Variants in LRP6 observed in about 807,000 individuals in gnomAD.
LRP6 encodes low-density lipoprotein receptor-related protein 6.
In LRP6, 43 loss-of-function variants were observed where a neutral mutation model predicts 184.1. The observed-to-expected ratio is 0.23, with a 90% CI of 0.18 to 0.30. The LOEUF is 0.30. Among genes scored for constraint, LRP6 ranks in the 10% least tolerant of loss-of-function variants. LRP6 has a pLI of 1.00. For synonymous variants in LRP6, 719 were observed against 684.9 expected, an observed-to-expected ratio of 1.05 and a Z score of -0.78; for missense variants, 1,571 against 2,005.3, an observed-to-expected ratio of 0.78 and a Z score of 4.14.
intron 22 of LRP6, among the ~76,000 whole-genome samples, chr12:12,124,044 T>C (rs1267293108): frequency 1.3e-5 from 2 of 151,926 alleles, no homozygotes; most frequent in African/African-American, 4.8e-5. Context: ...TATTTTATTA[T>C]TATAAAAGCC....
At chr12:12,222,756 A>C (rs1422310497) in intron 2 of LRP6, among the ~76,000 whole-genome samples, 4 of 152,080 alleles carry the variant, frequency 2.6e-5, no homozygotes, top group Non-Finnish European at 4.4e-5. Context: ...ACATCTACAG[A>C]ATCAGAATCT....
At chr12:12,241,527 A>G (rs1865065415) in intron 2 of LRP6, among the ~76,000 whole-genome samples, 1 of 152,110 alleles carries the variant, frequency 6.6e-6, no homozygotes, top group Non-Finnish European at 1.5e-5. Flanking sequence ...ACCAGATTCT[A>G]TTTGTTTCCA....
Position 12,203,184 on chromosome 12 carries a change from C to T in LRP6, c.647+19G>A. On this transcript the variant is annotated intron_variant, in intron 3 of 22. Transcript: ENST00000261349. ...CATCGAGTTTTCTTAAAAGTTTTTT[C>T]TAATTCTTGTAATCTTACCGATTTG... The T allele has an allele frequency of 1.3e-6, 2 of 1,565,604 alleles. No homozygotes were observed. The highest frequency in any genetic ancestry group is 1.4e-5 in the African/African-American group (1 of 72,558).
intron 3 of LRP6, among the ~76,000 whole-genome samples, chr12:12,195,417 T>C (rs77097822): frequency 0.084 from 12,844 of 152,202 alleles, 784 homozygotes; most frequent in Admixed American, 0.13. Flanking sequence ...GATACTTCAT[T>C]GTGAATTTAA....
intron 7 of LRP6, among the ~76,000 whole-genome samples, chr12:12,170,727 T>C (rs1446526900): frequency 6.6e-6 from 1 of 152,004 alleles, no homozygotes; most frequent in Non-Finnish European, 1.5e-5. Flanking sequence ...CAAATGTCTT[T>C]TATTTGGTCT....
chr12:12,205,359 G>T (rs1046324035), intron 2 of LRP6, among the ~76,000 whole-genome samples: 1 of 137,358 alleles, frequency 7.3e-6, no homozygotes, highest in African/African-American at 2.9e-5. Context: ...AAAAAAAAGA[G>T]GTAATGAGGG....
At chr12:12,183,782 C>A (rs533388054) in intron 5 of LRP6, among the ~76,000 whole-genome samples, 198 bp downstream of exon 5, 1 of 152,082 alleles carries the variant, frequency 6.6e-6, no homozygotes, top group Non-Finnish European at 1.5e-5. Flanking sequence ...ATTTAAAACA[C>A]TAAAATAATT....
Position 12,254,135 on chromosome 12 carries a change from C to T in LRP6, c.56-9480G>A, listed in dbSNP as rs1301454116. Among the ~76,000 whole-genome samples, 4 of 97,906 alleles carry T rather than the reference C, an allele frequency of 4.1e-5. No homozygotes were observed. The East Asian group carries it at 1.3e-3, about 31-fold the overall frequency. The allele number at this position is 97,906 out of a possible 152,430, so 64.2% of individuals were successfully genotyped here. On this transcript the variant is annotated intron_variant, in intron 1 of 22. Coordinates refer to ENST00000261349, the MANE Select transcript of LRP6 (RefSeq NM_002336.3). ...CTCCAGCCTGGGTGACAGAGTGAGA[C>T]TCTGTCTCAAAAAAAAAAAAAAAAA...
At chr12:12,217,566 G>A (rs1322156195) in intron 2 of LRP6, among the ~76,000 whole-genome samples, 2 of 152,010 alleles carry the variant, frequency 1.3e-5, no homozygotes, top group South Asian at 2.1e-4. Context: ...AAAAGGTAAG[G>A]GACCACTGCT....
intron 9 of LRP6, among the ~76,000 whole-genome samples, chr12:12,163,279 C>G (rs1388697991): frequency 6.6e-6 from 1 of 151,826 alleles, no homozygotes; most frequent in African/African-American, 2.4e-5. Flanking sequence ...ACCCAGCCAC[C>G]CCCCATTTTC....
At chr12:12,218,578 G>A (rs1779282710) in intron 2 of LRP6, among the ~76,000 whole-genome samples, 1 of 151,754 alleles carries the variant, frequency 6.6e-6, no homozygotes, top group Admixed American at 6.6e-5. Context: ...TCAAAGCACA[G>A]AACATGTTCA....
intron 15 of LRP6, among the ~76,000 whole-genome samples, chr12:12,146,065 T>C (rs1391817280): frequency 3.3e-5 from 5 of 152,222 alleles, no homozygotes; most frequent in Non-Finnish European, 7.3e-5. Context: ...AAATCATTCA[T>C]GTTAGTGCAC....
intron 1 of LRP6, among the ~76,000 whole-genome samples, chr12:12,245,045 C>G (rs1329319379): frequency 1.3e-5 from 2 of 152,182 alleles, no homozygotes; most frequent in East Asian, 3.8e-4. Flanking sequence ...AAACATACAA[C>G]CTACTATACA....
chr12:12,148,888 G>T, intron 14 of LRP6, 54 bp downstream of exon 14: 1 of 1,240,142 alleles, frequency 8.1e-7, no homozygotes, highest in Non-Finnish European at 1.2e-6. Context: ...TGAAAAAGAA[G>T]GGTGAGGAGA....
rs1296346278 is a variant in LRP6, at chr12:12,117,697, G to A, written c.*3429C>T. ...ATAAACACACTTCATTAACACACTA[G>A]GTAAGCTACAGCTATTAACTCTACT... On this transcript the variant is annotated 3_prime_UTR_variant, in exon 23 of 23. Transcript: ENST00000261349. The A allele has an allele frequency of 6.6e-6, 1 of 152,144 alleles. No homozygotes were observed. Among genetic ancestry groups the A allele is most frequent in the Non-Finnish European group, 1.5e-5 (1 of 68,020 alleles). 9.4% of individuals were successfully genotyped at this position (152,144 alleles called of 1,614,324 possible).
At chr12:12,127,458 G>A (rs1033291635) in intron 19 of LRP6, among the ~76,000 whole-genome samples, 4 of 152,176 alleles carry the variant, frequency 2.6e-5, no homozygotes, top group African/African-American at 9.7e-5. Context: ...AATGAAAACT[G>A]GAAGCTAAAG....
At chr12:12,199,740 C>T (rs1411269578) in intron 3 of LRP6, among the ~76,000 whole-genome samples, 4 of 151,504 alleles carry the variant, frequency 2.6e-5, no homozygotes, top group African/African-American at 7.3e-5. Context: ...CTGAGGCGGG[C>T]GGATCACGAG....
rs755981217 is a variant in LRP6 at position 12,130,860 on chromosome 12, T to C, written c.4004A>G (p.Asn1335Ser). The C allele has an allele frequency of 3.1e-6, 5 of 1,612,534 alleles. No individual in the cohort carries two copies. The highest frequency in any genetic ancestry group is 4.5e-5 in the East Asian group (2 of 44,848). Residue 1335 changes from asparagine (N) to serine (S), a missense_variant, in exon 19 of 23, where the codon AAT becomes AGT. Asn to Ser is a conservative substitution (Grantham distance 46, BLOSUM62 1). This residue lies in a region of LRP6 where 763 missense variants were observed against 859.5 expected (regional missense o/e 0.89). Transcript: ENST00000261349. ...CTTGTGCTTTCCAATGCACTGACCA[T>C]TGGCACAGCGGAACTGATCAATTAA... ...LCLIDQFRCANGQCIGKHKKC... is the reference protein window; with the variant it reads ...LCLIDQFRCASGQCIGKHKKC...
At chr12:12,193,372 T>TAA (rs544400888) in intron 3 of LRP6, among the ~76,000 whole-genome samples, 1 of 132,926 alleles carries the variant, frequency 7.5e-6, no homozygotes, top group Non-Finnish European at 1.6e-5. Context: ...ACATTAGGGT[T>TAA]AAAAAAAAAA....
Sources: gnomAD v4.1 joint callset for allele counts (sites outside exome capture counted in the v4.1 genomes callset) on GRCh38, gnomAD v4.1.1 for gene constraint, gnomAD v4.1.1 regional missense constraint, MANE v1.5 for transcripts, NCBI Gene and HGNC (gene_info 2026-07-23, HGNC 2026-07-21) for gene names.